The following ATP10A variants were observed in gnomAD, a reference collection of about 807,000 sequenced individuals.
ATP10A encodes phospholipid-transporting ATPase VA.
In ATP10A, 111 loss-of-function variants were observed where a neutral mutation model predicts 147.8. That is an observed-to-expected ratio of 0.75 (90% CI 0.64 to 0.88). ATP10A has a LOEUF of 0.88. Among genes scored for constraint, ATP10A ranks in the 40% least tolerant of loss-of-function variants. The pLI is 0.00. For synonymous variants in ATP10A, 875 were observed against 841.6 expected, an observed-to-expected ratio of 1.04 and a Z score of -0.69; for missense variants, 1,927 against 1,959.0, an observed-to-expected ratio of 0.98 and a Z score of 0.31.
chr15:25,803,058 A>T (rs872537), intron 1 of ATP10A, among the ~76,000 whole-genome samples: 65,186 of 151,944 alleles, frequency 0.43, 14,648 homozygotes, highest in African/African-American at 0.55. Context: ...CCAAGGGCTG[A>T]GTCTTTGTGA....
At chr15:25,748,923 C>T (rs1216165446) in intron 2 of ATP10A, among the ~76,000 whole-genome samples, 2 of 151,018 alleles carry the variant, frequency 1.3e-5, no homozygotes, top group African/African-American at 2.4e-5. Flanking sequence ...ATTATCCGGG[C>T]GTGGTGGTGT....
chr15:25,852,832 G>A (rs1893353491), intron 1 of ATP10A, among the ~76,000 whole-genome samples: 1 of 152,124 alleles, frequency 6.6e-6, no homozygotes, highest in Admixed American at 6.5e-5. Flanking sequence ...CCTTGAGAAG[G>A]AGGGTATATA....
intron 14 of ATP10A, among the ~76,000 whole-genome samples, chr15:25,692,951 C>T (rs748822168): frequency 7.2e-5 from 11 of 152,070 alleles, no homozygotes; most frequent in African/African-American, 1.9e-4. Context: ...CAGGTACATG[C>T]CACCACACCC....
At chr15:25,790,875 CT>C (rs1009455318) in intron 1 of ATP10A, among the ~76,000 whole-genome samples, 5 of 152,106 alleles carry the variant, frequency 3.3e-5, no homozygotes, top group African/African-American at 9.7e-5. Flanking sequence ...AAGGTAATTT[CT>C]TATGCATTAA....
chr15:25,831,119 C>T (rs1317112886), intron 1 of ATP10A, among the ~76,000 whole-genome samples: 1 of 152,266 alleles, frequency 6.6e-6, no homozygotes, highest in Non-Finnish European at 1.5e-5. Flanking sequence ...CCTCAGCAGA[C>T]AGGCTGGACC....
At chr15:25,732,445 G>A (rs976589930) in intron 3 of ATP10A, among the ~76,000 whole-genome samples, 1 of 151,848 alleles carries the variant, frequency 6.6e-6, no homozygotes, top group African/African-American at 2.4e-5. Flanking sequence ...CTAGACCCAC[G>A]GGCAGTCACT....
At chr15:25,782,193 A>T (rs570990971) in intron 1 of ATP10A, among the ~76,000 whole-genome samples, 1 of 152,312 alleles carries the variant, frequency 6.6e-6, no homozygotes, top group African/African-American at 2.4e-5. Flanking sequence ...TCCACTTAAT[A>T]TAAGGTGCCC....
intron 2 of ATP10A, among the ~76,000 whole-genome samples, chr15:25,756,620 G>A (rs944269861): frequency 6.6e-6 from 1 of 150,464 alleles, no homozygotes; most frequent in Non-Finnish European, 1.5e-5. Flanking sequence ...TCCAGCCTGG[G>A]CCACAGAGCA....
chr15:25,830,932 G>C (rs1892326762), intron 1 of ATP10A, among the ~76,000 whole-genome samples: 1 of 152,208 alleles, frequency 6.6e-6, no homozygotes, highest in Non-Finnish European at 1.5e-5. Flanking sequence ...CTCAGAGTGG[G>C]ACGGCAATAC....
At chr15:25,707,674 A>C (rs1901116605) in intron 12 of ATP10A, among the ~76,000 whole-genome samples, 1 of 152,134 alleles carries the variant, frequency 6.6e-6, no homozygotes, top group South Asian at 2.1e-4. Flanking sequence ...AAATCCTTTC[A>C]ACTCCCAACT....
chr15:25,680,798 G>C lies in ATP10A; in HGVS notation c.3678+12C>G. 6.2e-7 allele frequency: 1 copy of C among 1,607,586 alleles called. No individual in the cohort carries two copies. Among genetic ancestry groups the C allele is most frequent in the Non-Finnish European group, 8.5e-7 (1 of 1,175,344 alleles). ...TGCTCTTCTGAGACGTGGCCATGCA[G>C]GCGGCTCTTACCCAGGTTTTGGTTT... On this transcript the variant is annotated intron_variant, in intron 19 of 20. Coordinates refer to ENST00000555815, the MANE Select transcript of ATP10A (RefSeq NM_024490.4).
intron 2 of ATP10A, among the ~76,000 whole-genome samples, chr15:25,766,335 T>C (rs1236289411): frequency 6.6e-6 from 1 of 152,156 alleles, no homozygotes; most frequent in Non-Finnish European, 1.5e-5. Context: ...TCAAATGATG[T>C]TCTTGGATTA....
intron 2 of ATP10A, among the ~76,000 whole-genome samples, chr15:25,759,534 G>T (rs1285565799): frequency 6.6e-6 from 1 of 152,154 alleles, no homozygotes; most frequent in Non-Finnish European, 1.5e-5. Flanking sequence ...GGCCAGGTGT[G>T]GTGGCTCAGG....
chr15:25,709,845 C>G (rs371983731), intron 10 of ATP10A: 2 of 152,348 alleles, frequency 1.3e-5, no homozygotes, highest in Non-Finnish European at 2.9e-5. Context: ...GCAGTCACTG[C>G]GGAATACCGA....
At chr15:25,692,153 C>T (rs1233448293) in intron 14 of ATP10A, among the ~76,000 whole-genome samples, 1 of 152,082 alleles carries the variant, frequency 6.6e-6, no homozygotes, top group East Asian at 1.9e-4. Flanking sequence ...AGCCAAGCAG[C>T]CAAGGCTACT....
chr15:25,713,840 C>T lies in ATP10A; in HGVS notation c.2178G>A (p.Leu726=). ...CGAAGGTGAGCCTGCCCAGGTGGGGCAGCTCCACTGACACTTGGTCGTGCA... is the reference window on the plus strand; with the variant it reads ...CGAAGGTGAGCCTGCCCAGGTGGGGTAGCTCCACTGACACTTGGTCGTGCA... ...ERLHDQVSVE[L]PHLGRLTFEL... The change falls in exon 10 of 21, where the codon CTG becomes CTA. Residue 726 remains leucine, a synonymous_variant. Coordinates refer to ENST00000555815, the MANE Select transcript of ATP10A (RefSeq NM_024490.4). 6.2e-7 allele frequency: 1 copy of T among 1,614,016 alleles called. No individual in the cohort carries two copies. The highest frequency in any genetic ancestry group is 2.2e-5 in the East Asian group (1 of 44,878).
In ATP10A at chr15:25,862,828, T is replaced by A; in HGVS notation, c.269A>T (p.Tyr90Phe). 6.2e-7 allele frequency: 1 copy of A among 1,609,840 alleles called. No individual in the cohort carries two copies. Among genetic ancestry groups the A allele is most frequent in the Non-Finnish European group, 8.5e-7 (1 of 1,178,110 alleles). ...FEQFHRPANVYFVFIALLNFV... is the reference protein window; with the variant it reads ...FEQFHRPANVFFVFIALLNFV... Reference sequence around the variant, plus strand: ...GTTGAGCAGCGCGATGAAGACAAAGTACACGTTGGCCGGGCGGTGGAACTG... The same window carrying A: ...GTTGAGCAGCGCGATGAAGACAAAGAACACGTTGGCCGGGCGGTGGAACTG... Residue 90 changes from tyrosine to phenylalanine, a missense_variant, in exon 1 of 21, where the codon TAC (tyrosine) becomes TTC (phenylalanine). By Grantham distance (22) the Tyr-to-Phe change is conservative. Coordinates refer to ENST00000555815, the MANE Select transcript of ATP10A (RefSeq NM_024490.4).
At chr15:25,856,242 T>C (rs974166146) in intron 1 of ATP10A, among the ~76,000 whole-genome samples, 2 of 152,190 alleles carry the variant, frequency 1.3e-5, no homozygotes, top group Admixed American at 6.5e-5. Context: ...TCCTCCATGC[T>C]GTTCTCGTGC....
In ATP10A at chr15:25,814,157, T is replaced by A. The variant is rs922384885; in HGVS notation, c.450-32934A>T. 3.3e-5 allele frequency among the ~76,000 whole-genome samples: 5 copies of A among 152,136 alleles called. No homozygotes were observed. In the South Asian group the frequency reaches 1.0e-3, roughly 32 times the overall value. On this transcript the variant is annotated intron_variant, in intron 1 of 20. Transcript: ENST00000555815. ...CTGAGAAAAAAATATTAATACCTTA[T>A]ATATACAGAGAAGTAAAGGTAAGAA... is the stretch of plus-strand genomic sequence containing the variant.
Sources: allele counts gnomAD v4.1 joint callset (sites outside exome capture counted in the v4.1 genomes callset), GRCh38; gene constraint gnomAD v4.1.1; transcripts MANE v1.5; gene names NCBI Gene and HGNC (gene_info 2026-07-23, HGNC 2026-07-21).